Variants in ABTB3 observed in about 807,000 individuals in gnomAD.
ABTB3 encodes the protein ankyrin repeat and BTB domain containing 3, also known as ankyrin repeat- and BTB/POZ domain-containing protein 3.
the ABTB3 span, among the ~76,000 whole-genome samples, chr12:107,370,828 T>C: frequency 6.7e-6 from 1 of 149,886 alleles, no homozygotes; most frequent in African/African-American, 2.5e-5. Flanking sequence ...GTTGTGGCTC[T>C]GTGCTGATAC....
At chr12:107,573,553 G>A in the ABTB3 span, among the ~76,000 whole-genome samples, 3 of 152,088 alleles carry the variant, frequency 2.0e-5, no homozygotes, top group Non-Finnish European at 4.4e-5. Flanking sequence ...CAGATAGACA[G>A]ATTGATCAAC....
chr12:107,647,001 G>A, the ABTB3 span, among the ~76,000 whole-genome samples: 1 of 152,158 alleles, frequency 6.6e-6, no homozygotes, highest in African/African-American at 2.4e-5. Flanking sequence ...GGGAGGTTCT[G>A]ATGCAGGCAA....
At chr12:107,432,412 CGAA>C in the ABTB3 span, among the ~76,000 whole-genome samples, 2 of 152,224 alleles carry the variant, frequency 1.3e-5, no homozygotes, top group Non-Finnish European at 2.9e-5. Flanking sequence ...TCAGCTCCTT[CGAA>C]GAAACCAACC....
At chr12:107,394,959 A>T in the ABTB3 span, among the ~76,000 whole-genome samples, 3 of 152,052 alleles carry the variant, frequency 2.0e-5, no homozygotes, top group South Asian at 6.2e-4. Flanking sequence ...CCTTGTTCTC[A>T]CTTGTGTTTT....
the ABTB3 span, among the ~76,000 whole-genome samples, chr12:107,479,781 G>A: frequency 6.6e-6 from 1 of 152,158 alleles, no homozygotes; most frequent in Non-Finnish European, 1.5e-5. Flanking sequence ...GCCTGTAGGA[G>A]AGTCTATAGT....
the ABTB3 span, among the ~76,000 whole-genome samples, chr12:107,469,866 TTTTCTTTCTTTC>T: frequency 1.7e-3 from 128 of 75,578 alleles, no homozygotes; most frequent in Admixed American, 6.1e-3. Context: ...TCTTTCTTTC[TTTTCTTTCTTTC>T]TTTCTTTCTT....
the ABTB3 span, among the ~76,000 whole-genome samples, chr12:107,532,532 G>A: frequency 2.1e-4 from 32 of 152,246 alleles, no homozygotes; most frequent in Non-Finnish European, 3.5e-4. Context: ...TACATCTACA[G>A]CAAAAAGTCT....
At chr12:107,657,835 C>G in the ABTB3 span, 1 of 977,862 alleles carries the variant, frequency 1.0e-6, no homozygotes, top group Non-Finnish European at 1.6e-6. Flanking sequence ...CAAGGAGCTG[C>G]CTCTACTGCT....
At chr12:107,352,702 T>C in the ABTB3 span, among the ~76,000 whole-genome samples, 1 of 152,020 alleles carries the variant, frequency 6.6e-6, no homozygotes, top group Non-Finnish European at 1.5e-5. Flanking sequence ...TGTGATCATA[T>C]CTGTGTTTTT....
At chr12:107,516,228 C>CTTTTTTTTTTTTTTTTTTTTTTTTT in the ABTB3 span, among the ~76,000 whole-genome samples, 1 of 148,480 alleles carries the variant, frequency 6.7e-6, no homozygotes. Flanking sequence ...ATCCATTATT[C>CTTTTTTTTTTTTTTTTTTTTTTTTT]TTTTTTTTTT....
chr12:107,614,293 A>G, the ABTB3 span, among the ~76,000 whole-genome samples: 1 of 152,158 alleles, frequency 6.6e-6, no homozygotes, highest in Non-Finnish European at 1.5e-5. Context: ...CAGATTGTTC[A>G]TTCATGATGC....
the ABTB3 span, among the ~76,000 whole-genome samples, chr12:107,358,810 G>A: frequency 6.6e-6 from 1 of 152,146 alleles, no homozygotes; most frequent in East Asian, 1.9e-4. Flanking sequence ...GACCGGGCTG[G>A]TCTTGATCCA....
At chr12:107,561,150 C>A in the ABTB3 span, among the ~76,000 whole-genome samples, 1 of 152,152 alleles carries the variant, frequency 6.6e-6, no homozygotes, top group Non-Finnish European at 1.5e-5. Context: ...GTCCTTTGTC[C>A]CGTTGCTCTG....
the ABTB3 span, among the ~76,000 whole-genome samples, chr12:107,571,287 T>C: frequency 2.6e-5 from 4 of 151,950 alleles, no homozygotes; most frequent in Non-Finnish European, 5.9e-5. Flanking sequence ...AGATGGGGAG[T>C]AGTTTGCCCA....
the ABTB3 span, among the ~76,000 whole-genome samples, chr12:107,473,063 T>A: frequency 6.6e-6 from 1 of 152,190 alleles, no homozygotes; most frequent in South Asian, 2.1e-4. Context: ...AGGGGCTGAG[T>A]GAGGACAGAG....
the ABTB3 span, among the ~76,000 whole-genome samples, chr12:107,405,982 T>C: frequency 5.3e-5 from 8 of 152,172 alleles, no homozygotes; most frequent in African/African-American, 1.4e-4. Flanking sequence ...TTCTCCCCTC[T>C]AGTTTGTTTG....
At chr12:107,568,569 A>G in the ABTB3 span, among the ~76,000 whole-genome samples, 1 of 152,196 alleles carries the variant, frequency 6.6e-6, no homozygotes, top group Non-Finnish European at 1.5e-5. Context: ...CAATCACACT[A>G]ATAACATTTC....
chr12:107,600,215 G>C, the ABTB3 span, among the ~76,000 whole-genome samples: 2 of 152,174 alleles, frequency 1.3e-5, no homozygotes, highest in African/African-American at 4.8e-5. Context: ...TGGGTTGAGT[G>C]CCAGCTCCAT....
At chr12:107,413,937 A>G in the ABTB3 span, among the ~76,000 whole-genome samples, 1 of 152,270 alleles carries the variant, frequency 6.6e-6, no homozygotes, top group Non-Finnish European at 1.5e-5. Flanking sequence ...TGAAATGCAC[A>G]TTGTGGATCC....
Sources: gnomAD v4.1 joint callset for allele counts (sites outside exome capture counted in the v4.1 genomes callset) on GRCh38, gnomAD v4.1.1 for gene constraint, MANE v1.5 for transcripts, NCBI Gene and HGNC (gene_info 2026-07-23, HGNC 2026-07-21) for gene names.